CD44: variants seen among roughly 807,000 people sequenced by gnomAD.
CD44 encodes CD44 antigen.
Under a neutral mutation model 88.8 loss-of-function variants are expected in CD44, and 49 were observed. The observed-to-expected ratio is 0.55, with a 90% CI of 0.44 to 0.70. The LOEUF (loss-of-function observed/expected upper bound fraction) is 0.70, where lower values mean the gene tolerates loss of function less well. CD44 is among the 30% of genes least tolerant of loss of function. The probability of loss-of-function intolerance (pLI) is 0.00; values close to 1 mark genes in which losing one functional copy is unlikely to be tolerated. For missense variants in CD44, 883 were observed against 913.8 expected (o/e 0.97, Z 0.43); for synonymous variants, 325 against 312.3 (o/e 1.04, Z -0.43).
At chr11:35,182,759 C>T (rs186295962) in intron 3 of CD44, among the ~76,000 whole-genome samples, 1 of 152,216 alleles carries the variant, frequency 6.6e-6, no homozygotes, top group African/African-American at 2.4e-5. Context: ...AGGCTATACA[C>T]TCCTGAGTCT....
At chr11:35,226,811 G>A (rs147502891) in intron 17 of CD44, among the ~76,000 whole-genome samples, 469 of 151,286 alleles carry the variant, frequency 3.1e-3, no homozygotes, top group African/African-American at 0.011. Context: ...TAAGTGAGTT[G>A]CCCCAGGTCA....
intron 1 of CD44, among the ~76,000 whole-genome samples, chr11:35,153,969 T>G (rs1941520808): frequency 6.6e-6 from 1 of 152,180 alleles, no homozygotes; most frequent in African/African-American, 2.4e-5. Context: ...TGAAAGCAAG[T>G]GGTTTATCAT....
intron 5 of CD44, among the ~76,000 whole-genome samples, chr11:35,191,074 T>A (rs924492884): frequency 3.9e-5 from 6 of 152,228 alleles, no homozygotes; most frequent in African/African-American, 1.4e-4. Flanking sequence ...GGCATCTGCC[T>A]CTGGAGCGGT....
At position 35,186,819 on chromosome 11, in the gene CD44, TC is replaced by T. The variant is rs531113522; in HGVS notation, c.368-11del. 1 of 1,567,600 alleles carries T rather than the reference TC, an allele frequency of 6.4e-7. No homozygotes were observed. Among genetic ancestry groups the T allele is most frequent in the Admixed American group, 1.7e-5 (1 of 59,960 alleles). ...TTTTAAAGGGTTCTCATCCTTTTTT[TC>T]CTACCTCATAGCTCCACCTGAAGAA... is the stretch of plus-strand genomic sequence containing the variant. On this transcript the variant is annotated splice_polypyrimidine_tract_variant and intron_variant, in intron 3 of 17. Coordinates refer to ENST00000428726, the MANE Select transcript of CD44 (RefSeq NM_000610.4).
At chr11:35,142,403 A>C (rs1858174390) in intron 1 of CD44, among the ~76,000 whole-genome samples, 1 of 152,206 alleles carries the variant, frequency 6.6e-6, no homozygotes, top group African/African-American at 2.4e-5. Flanking sequence ...GAACCAACCC[A>C]AATGTCCAAC....
chr11:35,170,956 C>T (rs1026793056), intron 1 of CD44, among the ~76,000 whole-genome samples: 6 of 152,180 alleles, frequency 3.9e-5, no homozygotes, highest in African/African-American at 1.4e-4. Context: ...ATTTCTTCCC[C>T]TCTCTGTGTG....
chr11:35,146,426 G>A (rs2133071024), intron 1 of CD44, among the ~76,000 whole-genome samples: 1 of 152,276 alleles, frequency 6.6e-6, no homozygotes, highest in Non-Finnish European at 1.5e-5. Context: ...TTTTCTGTTT[G>A]CATCTTTGCA....
At chr11:35,223,330 A>C in intron 17 of CD44, 1 of 977,490 alleles carries the variant, frequency 1.0e-6, no homozygotes, top group Non-Finnish European at 1.2e-6. Context: ...TATTGTGTGC[A>C]ATCAGCCCTT....
Position 35,214,861 on chromosome 11 carries a change from A to T in CD44, c.1820A>T (p.Asp607Val), listed in dbSNP as rs779832626. ...NVNRSLSGDQ[D>V]TFHPSGGSHT... ...TGATTGCTCATTACAGGAGACCAAGACACATTCCACCCCAGTGGGGGGTCC... is the reference window on the plus strand; with the variant it reads ...TGATTGCTCATTACAGGAGACCAAGTCACATTCCACCCCAGTGGGGGGTCC... The change falls in exon 15 of 18, where the codon GAC becomes GTC. Residue 607 changes from aspartate (D) to valine (V), a missense_variant. Asp to Val is a radical substitution (Grantham distance 152). Around this residue, in one of 2 missense-constraint regions of CD44, gnomAD observed 631 missense variants for 590.9 expected, o/e 1.07. Transcript: ENST00000428726. The T allele has an allele frequency of 6.4e-7, 1 of 1,553,894 alleles. No homozygotes were observed. The highest frequency in any genetic ancestry group is 1.2e-5 in the South Asian group (1 of 81,540).
intron 1 of CD44, among the ~76,000 whole-genome samples, chr11:35,157,221 T>G (rs895744366): frequency 7.9e-5 from 12 of 152,198 alleles, no homozygotes. Flanking sequence ...GGGGTGATTT[T>G]GATGGGATTG....
chr11:35,141,358 A>T (rs891386615), intron 1 of CD44, among the ~76,000 whole-genome samples: 1 of 152,204 alleles, frequency 6.6e-6, no homozygotes, highest in African/African-American at 2.4e-5. Flanking sequence ...GGCCTTAGGG[A>T]AAGTTCCAAA....
intron 12 of CD44, among the ~76,000 whole-genome samples, chr11:35,208,778 C>T (rs1056233768): frequency 6.6e-6 from 1 of 152,142 alleles, no homozygotes; most frequent in Non-Finnish European, 1.5e-5. Flanking sequence ...ATTCTAGTAG[C>T]CTTAATTTCT....
chr11:35,208,495 A>G (rs569125808), intron 12 of CD44, among the ~76,000 whole-genome samples: 2 of 152,236 alleles, frequency 1.3e-5, no homozygotes, highest in Non-Finnish European at 2.9e-5. Context: ...AGTGAAACAC[A>G]TGCCCACTTC....
intron 14 of CD44, chr11:35,214,613 C>T (rs1388478120): frequency 8.1e-6 from 3 of 372,492 alleles, no homozygotes; most frequent in East Asian, 3.9e-5. Flanking sequence ...CCTTCTTAGC[C>T]TTTGCTGCCC....
rs776876282 is a variant in CD44, at chr11:35,206,132, C to T, written c.1303C>T (p.His435Tyr). The T allele has an allele frequency of 2.5e-6, 4 of 1,610,312 alleles. No individual in the cohort carries two copies. Among genetic ancestry groups the T allele is most frequent in the Non-Finnish European group, 2.5e-6 (3 of 1,178,290 alleles). The change falls in exon 11 of 18, where the codon CAT becomes TAT. Residue 435 changes from histidine to tyrosine, a missense_variant. This residue lies in a region of CD44 where 631 missense variants were observed against 590.9 expected (regional missense o/e 1.07). Coordinates refer to ENST00000428726, the MANE Select transcript of CD44 (RefSeq NM_000610.4). ...CACAGCAGCCTCAGCTCATACCAGCCATCCAATGCAAGGAAGGACAACACC... is the reference window on the plus strand; with the variant it reads ...CACAGCAGCCTCAGCTCATACCAGCTATCCAATGCAAGGAAGGACAACACC... Reference protein sequence around the residue: ...GTAAASAHTSHPMQGRTTPSP... With the variant: ...GTAAASAHTSYPMQGRTTPSP...
chr11:35,199,425 A>C (rs1230726295), intron 7 of CD44, among the ~76,000 whole-genome samples: 1 of 151,362 alleles, frequency 6.6e-6, no homozygotes, highest in Admixed American at 6.7e-5. Flanking sequence ...ACTCCATCAC[A>C]GTTCTGCTTT....
chr11:35,155,876 T>A (rs566449030), intron 1 of CD44, among the ~76,000 whole-genome samples: 1 of 152,296 alleles, frequency 6.6e-6, no homozygotes, highest in Non-Finnish European at 1.5e-5. Context: ...GTGTGTGAAG[T>A]GTTTTCGGTT....
At chr11:35,219,802 G>C (rs906085609) in intron 16 of CD44, among the ~76,000 whole-genome samples, 2 of 152,200 alleles carry the variant, frequency 1.3e-5, no homozygotes, top group East Asian at 3.8e-4. Context: ...TACAGACAGG[G>C]AGGAGCTACA....
chr11:35,222,647 T>G (rs1362366350), intron 17 of CD44: 3 of 813,932 alleles, frequency 3.7e-6, no homozygotes, highest in Non-Finnish European at 4.4e-6. Context: ...CAATAGTAAT[T>G]CTAGCAACAG....
Sources: allele counts gnomAD v4.1 joint callset (sites outside exome capture counted in the v4.1 genomes callset), GRCh38; gene constraint gnomAD v4.1.1; regional missense constraint gnomAD v4.1.1; transcripts MANE v1.5; gene names NCBI Gene and HGNC (gene_info 2026-07-23, HGNC 2026-07-21).